PRRX2: variants seen among roughly 807,000 people sequenced by gnomAD.
PRRX2 encodes paired mesoderm homeobox protein 2.
PRRX2 carries 11 observed loss-of-function variants against 18.0 expected under a neutral mutation model. The observed-to-expected ratio is 0.61, with a 90% CI of 0.39 to 1.01. PRRX2 has a LOEUF of 1.01. Among genes scored for constraint, PRRX2 ranks in the 50% least tolerant of loss-of-function variants. The probability of loss-of-function intolerance (pLI) is 0.01; values close to 1 mark genes in which losing one functional copy is unlikely to be tolerated. For missense variants in PRRX2, 387 were observed against 351.0 expected (o/e 1.10, Z -0.82); for synonymous variants, 177 against 154.8 (o/e 1.14, Z -1.06).
chr9:129,679,282 A>G (rs1462232438), intron 1 of PRRX2, among the ~76,000 whole-genome samples: 1 of 152,160 alleles, frequency 6.6e-6, no homozygotes, highest in Non-Finnish European at 1.5e-5. Context: ...TGTATTCCAC[A>G]AGGAATGGAG....
Position 129,665,905 on chromosome 9 carries a change from C to G in PRRX2, c.38C>G (p.Pro13Arg). The G allele has an allele frequency of 9.0e-7, 1 of 1,107,682 alleles. No individual in the cohort carries two copies. The highest frequency in any genetic ancestry group is 1.1e-6 in the Non-Finnish European group (1 of 911,142). 68.6% of individuals were successfully genotyped at this position (1,107,682 alleles called of 1,614,324 possible). A position where few individuals can be genotyped will look rare whatever the true frequency, so the allele number is the denominator to read the frequency against. The change falls in exon 1 of 4, where the codon CCG becomes CGG. Residue 13 changes from proline to arginine, a missense_variant. Physicochemically the swap from Pro to Arg is moderately radical, Grantham distance 103. Coordinates refer to ENST00000372469, the MANE Select transcript of PRRX2 (RefSeq NM_016307.4). The surrounding 1 kb of genome is among the most constrained non-coding windows in gnomAD (Gnocchi z 5.3). Reference protein sequence around the residue: ...SAAAAFALDKPALGPGPPPPP... With the variant: ...SAAAAFALDKRALGPGPPPPP... The stretch of plus-strand genomic sequence containing the variant: ...GCCGCCGCCTTCGCCCTGGACAAGC[C>G]GGCGCTGGGCCCGGGGCCGCCGCCG...
chr9:129,721,861 G>A (rs1426319815), intron 3 of PRRX2, among the ~76,000 whole-genome samples: 2 of 152,002 alleles, frequency 1.3e-5, no homozygotes, highest in African/African-American at 4.8e-5. Flanking sequence ...GATTACAGGC[G>A]TGAGCCACCA....
intron 1 of PRRX2, among the ~76,000 whole-genome samples, chr9:129,708,288 G>A (rs545826862): frequency 2.0e-5 from 3 of 152,258 alleles, no homozygotes; most frequent in African/African-American, 7.2e-5. Context: ...CACCTGCCTC[G>A]GCCTCTGAAA....
At chr9:129,710,159 G>A (rs901165750) in intron 1 of PRRX2, among the ~76,000 whole-genome samples, 8 of 152,148 alleles carry the variant, frequency 5.3e-5, no homozygotes, top group Non-Finnish European at 7.3e-5. Context: ...GGGAGGAGAC[G>A]TTGCCAGCTC....
intron 1 of PRRX2, among the ~76,000 whole-genome samples, chr9:129,693,022 A>G (rs1368107269): frequency 2.6e-5 from 4 of 152,154 alleles, no homozygotes; most frequent in African/African-American, 9.7e-5. Context: ...CCAGCAGTGG[A>G]TGAGAGTTCC....
chr9:129,679,976 A>C (rs1263575975), intron 1 of PRRX2, among the ~76,000 whole-genome samples: 1 of 152,114 alleles, frequency 6.6e-6, no homozygotes, highest in Non-Finnish European at 1.5e-5. Context: ...CATGTCTCTG[A>C]GCCTCAAATT....
chr9:129,698,921 A>G (rs1169364827), intron 1 of PRRX2, among the ~76,000 whole-genome samples: 1 of 152,146 alleles, frequency 6.6e-6, no homozygotes, highest in Non-Finnish European at 1.5e-5. Flanking sequence ...CCTAAACTCT[A>G]GGAAGTAGAG....
chr9:129,710,744 A>G (rs1341271865), intron 1 of PRRX2, among the ~76,000 whole-genome samples: 2 of 152,078 alleles, frequency 1.3e-5, no homozygotes, highest in South Asian at 2.1e-4. Context: ...AAAACAAAAC[A>G]AAACGAAAGT....
intron 2 of PRRX2, 126 bp from the exon 3 acceptor site, chr9:129,720,470 A>C: frequency 1.1e-6 from 1 of 871,852 alleles, no homozygotes; most frequent in Non-Finnish European, 1.7e-6. Context: ...ACAGATGAAA[A>C]AACTGAGGGT....
intron 1 of PRRX2, among the ~76,000 whole-genome samples, chr9:129,691,929 GTACT>G (rs1564149242): frequency 1.3e-5 from 2 of 148,190 alleles, no homozygotes; most frequent in East Asian, 4.0e-4. Context: ...GGCCTAGACG[GTACT>G]TATTTATTTA....
rs888947846 is a variant in PRRX2, at chr9:129,695,619, G to A, written c.260-23612G>A. ...CAGGCACCTCCCTTTCCTGGCCCAC[G>A]CTGCTCTTCCTCCAGGCCCCCGCCA... On this transcript the variant is annotated intron_variant, in intron 1 of 3. Coordinates refer to ENST00000372469, the MANE Select transcript of PRRX2 (RefSeq NM_016307.4). The surrounding 1 kb of genome is among the most constrained non-coding windows in gnomAD (Gnocchi z 4.8). 8.5e-5 allele frequency among the ~76,000 whole-genome samples: 13 copies of A among 152,144 alleles called. No individual in the cohort carries two copies. The highest frequency in any genetic ancestry group is 1.7e-4 in the African/African-American group (7 of 41,428).
Position 129,719,323 on chromosome 9 carries a change from G to A in PRRX2, c.352G>A (p.Ala118Thr). 6.2e-7 allele frequency: 1 copy of A among 1,607,254 alleles called. No individual in the cohort carries two copies. Among genetic ancestry groups the A allele is most frequent in the South Asian group, 1.1e-5 (1 of 90,112 alleles). Reference sequence around the variant, plus strand: ...CACGTTCAACAGCAGCCAACTGCAGGCGCTGGAGCGCGTGTTCGAGCGCAC... The same window carrying A: ...CACGTTCAACAGCAGCCAACTGCAGACGCTGGAGCGCGTGTTCGAGCGCAC... Reference protein sequence around the residue: ...RTTFNSSQLQALERVFERTHY... With the variant: ...RTTFNSSQLQTLERVFERTHY... The change falls in exon 2 of 4, where the codon GCG (alanine) becomes ACG (threonine). Residue 118 changes from alanine to threonine, a missense_variant. Ala to Thr is a moderately conservative substitution (Grantham distance 58, BLOSUM62 0). Transcript: ENST00000372469.
intron 1 of PRRX2, among the ~76,000 whole-genome samples, chr9:129,689,164 T>C (rs1314020022): frequency 6.6e-6 from 1 of 152,176 alleles, no homozygotes; most frequent in Non-Finnish European, 1.5e-5. Flanking sequence ...CAAGCTTCCC[T>C]GCCTTCTCCA....
Position 129,720,767 on chromosome 9 carries a change from C to G in PRRX2, c.619C>G (p.Pro207Ala), listed in dbSNP as rs552481765. ...PDYLSWTASSPYSTVPPYSPG... is the reference protein window; with the variant it reads ...PDYLSWTASSAYSTVPPYSPG... The stretch of plus-strand genomic sequence containing the variant: ...TTATCTCTCCTGGACAGCCTCGTCC[C>G]CCTACAGGTGAGAGCGGGAACACCT... Residue 207 changes from proline (P) to alanine (A), a missense_variant, in exon 3 of 4, where the codon CCC (proline) becomes GCC (alanine). By Grantham distance (27) the Pro-to-Ala change is conservative. Transcript: ENST00000372469. 2 of 1,585,248 alleles carry G rather than the reference C, an allele frequency of 1.3e-6. No homozygotes were observed. Among genetic ancestry groups the G allele is most frequent in the African/African-American group, 1.3e-5 (1 of 74,096 alleles).
intron 1 of PRRX2, among the ~76,000 whole-genome samples, chr9:129,717,695 C>CAAAAAAAAAAAAA (rs568330077): frequency 4.9e-5 from 4 of 82,466 alleles, no homozygotes; most frequent in East Asian, 3.1e-4. Flanking sequence ...GACTCCGCCT[C>CAAAAAAAAAAAAA]AAAAAAAAAA....
intron 1 of PRRX2, among the ~76,000 whole-genome samples, chr9:129,689,887 G>A (rs545690324): frequency 6.6e-6 from 1 of 151,840 alleles, no homozygotes; most frequent in East Asian, 1.9e-4. Context: ...CAAGTAGCTC[G>A]TATTACAGGC....
At chr9:129,691,035 A>G (rs1017039033) in intron 1 of PRRX2, among the ~76,000 whole-genome samples, 2 of 151,982 alleles carry the variant, frequency 1.3e-5, no homozygotes, top group African/African-American at 4.8e-5. Flanking sequence ...ATATTATTAA[A>G]AATTAAGGCC....
chr9:129,715,750 T>TCACACACACACA lies in PRRX2; in HGVS notation c.260-3449_260-3438dup, dbSNP rs58405360. On this transcript the variant is annotated intron_variant, in intron 1 of 3. Coordinates refer to ENST00000372469, the MANE Select transcript of PRRX2 (RefSeq NM_016307.4). The surrounding 1 kb of genome is among the most constrained non-coding windows in gnomAD (Gnocchi z 4.0). The stretch of plus-strand genomic sequence containing the variant: ...AAACCCAGCTTCAGGGACATCTTTC[T>TCACACACACACA]CACACACACACACACACACACACAC... Among the ~76,000 whole-genome samples, 8 of 138,952 alleles carry TCACACACACACA rather than the reference T, an allele frequency of 5.8e-5. No homozygotes were observed. Among genetic ancestry groups the TCACACACACACA allele is most frequent in the Middle Eastern group, 3.5e-3 (1 of 282 alleles). The allele number at this position is 138,952 out of a possible 152,430, so 91.2% of individuals were successfully genotyped here. A position where few individuals can be genotyped will look rare whatever the true frequency, so the allele number is the denominator to read the frequency against.
intron 1 of PRRX2, among the ~76,000 whole-genome samples, chr9:129,667,341 C>T (rs1032493165): frequency 6.6e-6 from 1 of 152,192 alleles, no homozygotes; most frequent in African/African-American, 2.4e-5. Context: ...CACTCTGGCC[C>T]GGAGGAAAGC....
Sources: gnomAD v4.1 joint callset for allele counts (sites outside exome capture counted in the v4.1 genomes callset) on GRCh38, gnomAD v4.1.1 for gene constraint, Gnocchi (gnomAD v3.1) non-coding constraint, MANE v1.5 for transcripts, NCBI Gene and HGNC (gene_info 2026-07-23, HGNC 2026-07-21) for gene names.